Variants in GPC5 observed in about 807,000 individuals in gnomAD.
GPC5 encodes the protein glypican 5, also known as glypican-5.
Under a neutral mutation model 53.9 loss-of-function variants are expected in GPC5, and 47 were observed. The ratio of observed to expected loss-of-function variants is 0.87; its 90% CI spans 0.69 to 1.11. The LOEUF is 1.11. Among genes scored for constraint, GPC5 ranks in the 50% most tolerant of loss-of-function variants. The pLI is 0.00. For missense variants in GPC5, 748 were observed against 713.1 expected (o/e 1.05, Z -0.56); for synonymous variants, 286 against 263.3 (o/e 1.09, Z -0.84).
chr13:92,161,841 G>A (rs1258366928), intron 7 of GPC5, among the ~76,000 whole-genome samples: 3 of 150,150 alleles, frequency 2.0e-5, no homozygotes, highest in Non-Finnish European at 4.4e-5. Context: ...GTATTGCTTG[G>A]GGATAGTTTT....
At chr13:92,127,720 GA>G (rs2041710787) in intron 6 of GPC5, among the ~76,000 whole-genome samples, 1 of 152,326 alleles carries the variant, frequency 6.6e-6, no homozygotes, top group African/African-American at 2.4e-5. Context: ...AAAGCTCTAT[GA>G]GGGATGTTTA....
intron 2 of GPC5, among the ~76,000 whole-genome samples, chr13:91,592,991 G>T (rs553095114): frequency 3.3e-5 from 5 of 152,334 alleles, no homozygotes; most frequent in African/African-American, 9.6e-5. Context: ...CTCTCCTGGA[G>T]CTGTGCTGTT....
intron 2 of GPC5, among the ~76,000 whole-genome samples, chr13:91,449,462 G>C (rs534713677): frequency 6.6e-6 from 1 of 152,028 alleles, no homozygotes; most frequent in Non-Finnish European, 1.5e-5. Flanking sequence ...CCGTCATCTA[G>C]GTTTTGAGCC....
intron 7 of GPC5, among the ~76,000 whole-genome samples, chr13:92,193,292 A>G (rs146553615): frequency 1.1e-3 from 160 of 152,342 alleles, no homozygotes; most frequent in African/African-American, 3.8e-3. Context: ...TTCTTTTTCC[A>G]ATAAAAAAAG....
intron 5 of GPC5, among the ~76,000 whole-genome samples, chr13:91,849,231 C>G (rs2038886799): frequency 6.6e-6 from 1 of 152,140 alleles, no homozygotes; most frequent in South Asian, 2.1e-4. Context: ...CCACTACTAC[C>G]TGCCCTTTTA....
At chr13:92,684,061 C>T (rs756427576) in intron 7 of GPC5, among the ~76,000 whole-genome samples, 2 of 152,096 alleles carry the variant, frequency 1.3e-5, no homozygotes, top group East Asian at 3.9e-4. Flanking sequence ...CTGTGCTCTA[C>T]CTAGTTATTC....
chr13:92,511,410 C>G (rs996923157), intron 7 of GPC5, among the ~76,000 whole-genome samples: 1 of 152,154 alleles, frequency 6.6e-6, no homozygotes, highest in African/African-American at 2.4e-5. Flanking sequence ...ATTTTTGTCT[C>G]TCTCCAGAAA....
intron 7 of GPC5, among the ~76,000 whole-genome samples, chr13:92,813,762 G>A (rs1353521439): frequency 2.6e-5 from 4 of 151,970 alleles, no homozygotes; most frequent in East Asian, 3.9e-4. Context: ...AATAAGTGGC[G>A]AGATGTAACA....
chr13:92,719,893 T>C (rs1005030855), intron 7 of GPC5: 1 of 152,184 alleles, frequency 6.6e-6, no homozygotes, highest in African/African-American at 2.4e-5. Flanking sequence ...GCAGAAATAA[T>C]GGGAAAATGA....
At chr13:92,716,512 T>C (rs1352610971) in intron 7 of GPC5, among the ~76,000 whole-genome samples, 2 of 151,998 alleles carry the variant, frequency 1.3e-5, no homozygotes, top group East Asian at 3.9e-4. Context: ...GTAATGGCCA[T>C]TTGTTTTTCT....
chr13:92,751,064 T>G (rs953694388), intron 7 of GPC5, among the ~76,000 whole-genome samples: 1 of 152,072 alleles, frequency 6.6e-6, no homozygotes, highest in Non-Finnish European at 1.5e-5. Flanking sequence ...GCACAAAATG[T>G]ACTGTTCATG....
intron 7 of GPC5, among the ~76,000 whole-genome samples, chr13:92,573,960 A>G (rs570105310): frequency 6.6e-6 from 1 of 152,312 alleles, no homozygotes; most frequent in Non-Finnish European, 1.5e-5. Flanking sequence ...TCCGTCATCC[A>G]GTGAACAGCA....
At chr13:91,797,928 C>A (rs1425357100) in intron 5 of GPC5, among the ~76,000 whole-genome samples, 2 of 152,028 alleles carry the variant, frequency 1.3e-5, no homozygotes, top group Non-Finnish European at 1.5e-5. Flanking sequence ...TTATATTAGG[C>A]CTCAAGGAAA....
Position 92,205,665 on chromosome 13 carries a change from A to G in GPC5, c.1561+60676A>G. Among the ~76,000 whole-genome samples the G allele has an allele frequency of 1.3e-5, 2 of 152,214 alleles. 1 individual carries two copies. The highest frequency in any genetic ancestry group is 4.1e-4 in the South Asian group (2 of 4,836). ...TTGTCTAGACATTTACATTTAATAA[A>G]GCATTTATATGACAGCTGCAACAGT... On this transcript the variant is annotated intron_variant, in intron 7 of 7. Transcript: ENST00000377067.
At chr13:91,536,125 A>G (rs1886580964) in intron 2 of GPC5, among the ~76,000 whole-genome samples, 1 of 152,186 alleles carries the variant, frequency 6.6e-6, no homozygotes, top group Admixed American at 6.5e-5. Context: ...AGGTGCTTTG[A>G]TAAATTTGTT....
intron 6 of GPC5, among the ~76,000 whole-genome samples, chr13:92,050,320 TA>T (rs912038529): frequency 1.5e-4 from 23 of 151,596 alleles, no homozygotes; most frequent in African/African-American, 3.9e-4. Context: ...CTCTTCTCTA[TA>T]TTTTTTTTAA....
At chr13:92,647,729 G>A (rs534348490) in intron 7 of GPC5, among the ~76,000 whole-genome samples, 4 of 152,118 alleles carry the variant, frequency 2.6e-5, no homozygotes, top group African/African-American at 7.2e-5. Flanking sequence ...TGCCATAAAG[G>A]CCACATGGTA....
intron 7 of GPC5, among the ~76,000 whole-genome samples, chr13:92,216,107 A>G (rs2139081214): frequency 6.6e-6 from 1 of 152,328 alleles, no homozygotes; most frequent in East Asian, 1.9e-4. Flanking sequence ...TGAGATACAG[A>G]CGGGCAGTTC....
intron 7 of GPC5, among the ~76,000 whole-genome samples, chr13:92,308,291 G>A (rs561160393): frequency 1.9e-4 from 29 of 152,210 alleles, no homozygotes; most frequent in East Asian, 5.8e-4. Context: ...GCACTGTGCC[G>A]CCTGGCAGCC....
Sources: allele counts gnomAD v4.1 joint callset (sites outside exome capture counted in the v4.1 genomes callset), GRCh38; gene constraint gnomAD v4.1.1; transcripts MANE v1.5; gene names NCBI Gene and HGNC (gene_info 2026-07-23, HGNC 2026-07-21).